The following NAPEPLD variants were observed in gnomAD, a reference collection of about 807,000 sequenced individuals.
NAPEPLD encodes N-acyl-phosphatidylethanolamine-hydrolyzing phospholipase D.
A neutral mutation model predicts 38.1 loss-of-function variants in NAPEPLD; 23 were observed. That is an observed-to-expected ratio of 0.60 (90% CI 0.43 to 0.86). NAPEPLD has a LOEUF of 0.86. NAPEPLD is among the 40% of genes least tolerant of loss of function. The probability of loss-of-function intolerance (pLI) is 0.00; values close to 1 mark genes in which losing one functional copy is unlikely to be tolerated. For missense variants in NAPEPLD, 411 were observed against 476.8 expected (o/e 0.86, Z 1.28); for synonymous variants, 147 against 162.0 (o/e 0.91, Z 0.71).
In NAPEPLD at chr7:103,121,802, G is replaced by A. The variant is rs149019686; in HGVS notation, c.295-1579C>T. Among the ~76,000 whole-genome samples the A allele has an allele frequency of 7.8e-4, 118 of 152,198 alleles. 2 individuals are homozygous for A. The East Asian group carries it at 0.02, about 26-fold the overall frequency. ...ACTAAATCAACTTTGAAAGGGTGTG[G>A]TACTGGATAAGTAGTTAAAATACAG... On this transcript the variant is annotated intron_variant, in intron 2 of 4. Coordinates refer to ENST00000465647, the MANE Select transcript of NAPEPLD (RefSeq NM_001122838.3).
chr7:103,134,107 T>C (rs1423981490), intron 1 of NAPEPLD, among the ~76,000 whole-genome samples: 1 of 152,184 alleles, frequency 6.6e-6, no homozygotes, highest in African/African-American at 2.4e-5. Flanking sequence ...GTGAATAAAA[T>C]GTCTATCTCA....
At chr7:103,123,689 TA>T (rs1807173263) in intron 2 of NAPEPLD, among the ~76,000 whole-genome samples, 1 of 152,240 alleles carries the variant, frequency 6.6e-6, no homozygotes, top group Admixed American at 6.5e-5. Flanking sequence ...AGCTCCATTC[TA>T]CAGCTAAGAA....
intron 3 of NAPEPLD, 107 bp from the exon 4 acceptor site, chr7:103,115,281 G>T (rs1805331845): frequency 2.6e-6 from 2 of 755,202 alleles, no homozygotes; most frequent in Non-Finnish European, 4.2e-6. Context: ...GACTATGGAT[G>T]TTGAGAATTA....
chr7:103,133,320 C>G (rs1210732611), intron 1 of NAPEPLD, among the ~76,000 whole-genome samples: 2 of 152,170 alleles, frequency 1.3e-5, no homozygotes, highest in Non-Finnish European at 2.9e-5. Flanking sequence ...GATGTTAAAG[C>G]AACACAAAAT....
At chr7:103,129,503 A>G (rs1049760595) in intron 1 of NAPEPLD, among the ~76,000 whole-genome samples, 2 of 152,222 alleles carry the variant, frequency 1.3e-5, no homozygotes, top group Non-Finnish European at 2.9e-5. Flanking sequence ...CAGTTCCTTG[A>G]GGGAATTTAG....
chr7:103,140,554 G>A (rs1489208564), intron 1 of NAPEPLD, among the ~76,000 whole-genome samples: 2 of 151,832 alleles, frequency 1.3e-5, no homozygotes, highest in African/African-American at 2.4e-5. Context: ...CACCACGCCC[G>A]GCTAATTTTT....
chr7:103,127,647 T>G (rs950349310), intron 2 of NAPEPLD: 8 of 152,042 alleles, frequency 5.3e-5, no homozygotes, highest in Non-Finnish European at 1.0e-4. Flanking sequence ...CTGAGAGTCT[T>G]TCCCTCAGGA....
At chr7:103,139,509 C>A (rs1810777388) in intron 1 of NAPEPLD, among the ~76,000 whole-genome samples, 2 of 152,184 alleles carry the variant, frequency 1.3e-5, no homozygotes, top group South Asian at 4.1e-4. Flanking sequence ...TCCACAGTGA[C>A]AGCAAGAGTC....
rs188853599 is a variant in NAPEPLD, at chr7:103,136,641, G to A, written c.-16-7849C>T. Among the ~76,000 whole-genome samples the A allele has an allele frequency of 2.3e-3, 349 of 150,450 alleles. 3 individuals are homozygous for A. Among genetic ancestry groups the A allele is most frequent in the Non-Finnish European group, 1.9e-3 (129 of 67,794 alleles). The stretch of plus-strand genomic sequence containing the variant: ...AGAGTAAAGAATATATGATAAATAG[G>A]ACCTTTTGATCCAACTGAGTTGTTT... On this transcript the variant is annotated intron_variant, in intron 1 of 4. Transcript: ENST00000465647.
chr7:103,127,958 C>T (rs1432083037), intron 2 of NAPEPLD: 1 of 153,142 alleles, frequency 6.5e-6, no homozygotes, highest in Non-Finnish European at 1.5e-5. Context: ...GTCAACTTTT[C>T]AAGGTCTGGA....
chr7:103,133,435 G>A (rs925351959), intron 1 of NAPEPLD, among the ~76,000 whole-genome samples: 2 of 152,210 alleles, frequency 1.3e-5, no homozygotes, highest in Non-Finnish European at 2.9e-5. Context: ...GGTTTTTCTG[G>A]AGGAAAAATA....
intron 4 of NAPEPLD, among the ~76,000 whole-genome samples, chr7:103,112,120 T>TGTGGAGA (rs1804645232): frequency 6.6e-6 from 1 of 152,152 alleles, no homozygotes; most frequent in Non-Finnish European, 1.5e-5. Context: ...CTGGAGTGGA[T>TGTGGAGA]GTGGAGAAAT....
In NAPEPLD at chr7:103,119,567, G is replaced by A; in HGVS notation, c.941+10C>T. ...CATAGCAGGAATGTTTTCTTTGGAA[G>A]TCTACATACCTCGGTTCATAAGCTC... On this transcript the variant is annotated intron_variant, in intron 3 of 4. Transcript: ENST00000465647. 11 of 1,596,020 alleles carry A rather than the reference G, an allele frequency of 6.9e-6. No homozygotes were observed. The highest frequency in any genetic ancestry group is 9.4e-6 in the Non-Finnish European group (11 of 1,170,348).
At chr7:103,113,572 CTT>C (rs5886246) in intron 4 of NAPEPLD, among the ~76,000 whole-genome samples, 141 of 138,116 alleles carry the variant, frequency 1.0e-3, no homozygotes, top group Admixed American at 1.4e-3. Context: ...CCTAACCACA[CTT>C]TTTTTTTTTT....
chr7:103,149,459 T>G (rs2129538458), upstream of NAPEPLD: 1 of 1,265,078 alleles, frequency 7.9e-7, no homozygotes, highest in South Asian at 1.3e-5. Context: ...CAGGCAGCGC[T>G]TCAGCTCTCG....
At chr7:103,130,874 A>G (rs1808789627) in intron 1 of NAPEPLD, among the ~76,000 whole-genome samples, 1 of 152,152 alleles carries the variant, frequency 6.6e-6, no homozygotes, top group South Asian at 2.1e-4. Flanking sequence ...TGCTAGGATT[A>G]TAGCTAAATT....
chr7:103,132,796 G>A (rs1001843738), intron 1 of NAPEPLD, among the ~76,000 whole-genome samples: 28 of 151,938 alleles, frequency 1.8e-4, no homozygotes, highest in South Asian at 2.1e-4. Context: ...AAGAAAGAAA[G>A]AAAGAAAAGA....
At chr7:103,139,847 T>C (rs80275650) in intron 1 of NAPEPLD, among the ~76,000 whole-genome samples, 203 of 152,288 alleles carry the variant, frequency 1.3e-3, no homozygotes, top group African/African-American at 4.6e-3. Flanking sequence ...ACACTGTAAA[T>C]AACAGGGTCA....
chr7:103,103,394 G>T lies in NAPEPLD; in HGVS notation c.*35C>A. The T allele has an allele frequency of 6.6e-7, 1 of 1,515,142 alleles. No individual in the cohort carries two copies. Among genetic ancestry groups the T allele is most frequent in the Non-Finnish European group, 8.8e-7 (1 of 1,134,206 alleles). 93.9% of individuals were successfully genotyped at this position (1,515,142 alleles called of 1,614,324 possible). Reference sequence around the variant, plus strand: ...TCATTTGTTTTTAAACTTAGATGATGCCTTTTTCATTAAAAGTGCCTGTGC... The same window carrying T: ...TCATTTGTTTTTAAACTTAGATGATTCCTTTTTCATTAAAAGTGCCTGTGC... On this transcript the variant is annotated 3_prime_UTR_variant, in exon 5 of 5. Coordinates refer to ENST00000465647, the MANE Select transcript of NAPEPLD (RefSeq NM_001122838.3).
Sources: gnomAD v4.1 joint callset for allele counts (sites outside exome capture counted in the v4.1 genomes callset) on GRCh38, gnomAD v4.1.1 for gene constraint, MANE v1.5 for transcripts, NCBI Gene and HGNC (gene_info 2026-07-23, HGNC 2026-07-21) for gene names.